The following LRFN2 variants were observed in gnomAD, a reference collection of about 807,000 sequenced individuals.
LRFN2 encodes leucine-rich repeat and fibronectin type-III domain-containing protein 2.
In LRFN2, 18 loss-of-function variants were observed where a neutral mutation model predicts 37.3. The observed-to-expected ratio is 0.48, with a 90% CI of 0.33 to 0.72. The LOEUF (loss-of-function observed/expected upper bound fraction) is 0.72, where lower values mean the gene tolerates loss of function less well. LRFN2 is among the 30% of genes least tolerant of loss of function. The pLI, the probability that LRFN2 is intolerant of heterozygous loss-of-function variation, is 0.02. For missense variants in LRFN2, 1,006 were observed against 1,060.7 expected (o/e 0.95, Z 0.72); for synonymous variants, 556 against 466.6 (o/e 1.19, Z -2.47).
chr6:40,547,174 G>A (rs961175448), intron 1 of LRFN2, among the ~76,000 whole-genome samples: 33 of 149,838 alleles, frequency 2.2e-4, no homozygotes, highest in African/African-American at 6.4e-4. Context: ...GCACGATCTC[G>A]GCTTACTGCA....
At chr6:40,435,054 G>T (rs2916257) in intron 1 of LRFN2, among the ~76,000 whole-genome samples, 3,975 of 52,374 alleles carry the variant, frequency 0.076, 46 homozygotes, top group Non-Finnish European at 0.099. Context: ...TATATATATA[G>T]AGAGAGAGAG....
chr6:40,441,427 G>C (rs1471996237), intron 1 of LRFN2, among the ~76,000 whole-genome samples: 2 of 152,168 alleles, frequency 1.3e-5, no homozygotes, highest in Non-Finnish European at 2.9e-5. Flanking sequence ...GAGTGAACGG[G>C]TGTGTCTCTT....
intron 2 of LRFN2, among the ~76,000 whole-genome samples, chr6:40,424,477 TA>T (rs1763300566): frequency 6.6e-6 from 1 of 152,228 alleles, no homozygotes; most frequent in Non-Finnish European, 1.5e-5. Context: ...GATAACTTTG[TA>T]AAATCTACGC....
At chr6:40,575,105 C>T (rs1767255145) in intron 1 of LRFN2, among the ~76,000 whole-genome samples, 1 of 152,182 alleles carries the variant, frequency 6.6e-6, no homozygotes, top group African/African-American at 2.4e-5. Context: ...ATGGTCTACA[C>T]AAGACCCAGT....
chr6:40,521,370 G>T (rs761195443), intron 1 of LRFN2, among the ~76,000 whole-genome samples: 1 of 152,200 alleles, frequency 6.6e-6, no homozygotes, highest in Admixed American at 6.5e-5. Context: ...TGAGGCTGGG[G>T]GCTGGAGGAG....
intron 1 of LRFN2, among the ~76,000 whole-genome samples, chr6:40,520,707 G>T (rs991114617): frequency 1.3e-5 from 2 of 152,156 alleles, no homozygotes; most frequent in Admixed American, 6.5e-5. Context: ...GCTGGTGCAG[G>T]CTGCAGTAGG....
At chr6:40,403,473 G>C (rs1239609506) in intron 2 of LRFN2, among the ~76,000 whole-genome samples, 1 of 152,142 alleles carries the variant, frequency 6.6e-6, no homozygotes, top group Admixed American at 6.5e-5. Context: ...TGCCCTTGTG[G>C]CTCCTGAGAA....
chr6:40,559,940 G>A (rs1033881311), intron 1 of LRFN2, among the ~76,000 whole-genome samples: 1 of 152,140 alleles, frequency 6.6e-6, no homozygotes, highest in African/African-American at 2.4e-5. Flanking sequence ...GCACAGTCCT[G>A]ACTTGGCCCT....
At chr6:40,444,801 G>T (rs76549115) in intron 1 of LRFN2, among the ~76,000 whole-genome samples, 5 of 152,032 alleles carry the variant, frequency 3.3e-5, no homozygotes, top group African/African-American at 9.7e-5. Context: ...TGTCCACCCC[G>T]CACAGTCTCC....
chr6:40,540,640 G>A (rs906526245), intron 1 of LRFN2, among the ~76,000 whole-genome samples: 2 of 152,190 alleles, frequency 1.3e-5, no homozygotes, highest in Admixed American at 1.3e-4. Flanking sequence ...GTATCGTTGA[G>A]AGCAGAAAAC....
At chr6:40,527,544 A>G (rs1227041996) in intron 1 of LRFN2, among the ~76,000 whole-genome samples, 1 of 152,222 alleles carries the variant, frequency 6.6e-6, no homozygotes, top group Non-Finnish European at 1.5e-5. Flanking sequence ...TGGAAGGAAG[A>G]GACCTGGAGC....
chr6:40,567,049 CA>C (rs202001130), intron 1 of LRFN2, among the ~76,000 whole-genome samples: 6,051 of 150,370 alleles, frequency 0.04, 149 homozygotes, highest in African/African-American at 0.054. Flanking sequence ...GTAGCCCCTA[CA>C]TCCCCCAATT....
intron 1 of LRFN2, among the ~76,000 whole-genome samples, chr6:40,566,938 A>G (rs907953234): frequency 1.3e-5 from 2 of 152,188 alleles, no homozygotes; most frequent in African/African-American, 4.8e-5. Context: ...AAAACTTGGT[A>G]TGATGATCTT....
intron 1 of LRFN2, among the ~76,000 whole-genome samples, chr6:40,444,532 T>C (rs1028106877): frequency 6.6e-6 from 1 of 152,194 alleles, no homozygotes; most frequent in African/African-American, 2.4e-5. Flanking sequence ...TAATATTGTC[T>C]TTCTTCGGGT....
chr6:40,540,066 T>C (rs1166637634), intron 1 of LRFN2, among the ~76,000 whole-genome samples: 1 of 150,912 alleles, frequency 6.6e-6, no homozygotes, highest in African/African-American at 2.5e-5. Context: ...GCACAGGCCA[T>C]GGATGCAGTA....
rs1380526266 is a variant in LRFN2, at chr6:40,391,758, C to A, written c.*185G>T. 4.1e-5 allele frequency: 22 copies of A among 541,798 alleles called. No individual in the cohort carries two copies. The highest frequency in any genetic ancestry group is 6.1e-6 in the Non-Finnish European group (2 of 328,346). 33.6% of individuals were successfully genotyped at this position (541,798 alleles called of 1,614,324 possible). A position where few individuals can be genotyped will look rare whatever the true frequency, so the allele number is the denominator to read the frequency against. On this transcript the variant is annotated 3_prime_UTR_variant, in exon 3 of 3. Coordinates refer to ENST00000338305, the MANE Select transcript of LRFN2 (RefSeq NM_020737.3). ...CGAGTCCACATTCCCTGAGCACACC[C>A]CGGCCGGGTGGTGGGGAGGTGATGT...
chr6:40,458,075 G>A (rs1274973732), intron 1 of LRFN2, among the ~76,000 whole-genome samples: 2 of 152,186 alleles, frequency 1.3e-5, no homozygotes, highest in East Asian at 3.9e-4. Context: ...AACATTTGTT[G>A]TGTAAGATTG....
intron 1 of LRFN2, among the ~76,000 whole-genome samples, chr6:40,437,205 C>T (rs1280737703): frequency 6.6e-6 from 1 of 152,174 alleles, no homozygotes; most frequent in Non-Finnish European, 1.5e-5. Flanking sequence ...TGCTGGATAT[C>T]TTCCACTGTC....
chr6:40,530,983 A>G (rs536385665), intron 1 of LRFN2, among the ~76,000 whole-genome samples: 1 of 152,326 alleles, frequency 6.6e-6, no homozygotes, highest in South Asian at 2.1e-4. Context: ...CATTTAAAAA[A>G]GCATGTTTGT....
Sources: allele counts gnomAD v4.1 joint callset (sites outside exome capture counted in the v4.1 genomes callset), GRCh38; gene constraint gnomAD v4.1.1; transcripts MANE v1.5; gene names NCBI Gene and HGNC (gene_info 2026-07-23, HGNC 2026-07-21).